GPR137: variants seen among roughly 807,000 people sequenced by gnomAD.
GPR137 encodes the protein G protein-coupled receptor 137.
Under a neutral mutation model 38.9 loss-of-function variants are expected in GPR137, and 20 were observed. The ratio of observed to expected loss-of-function variants is 0.51; its 90% CI spans 0.36 to 0.75. The LOEUF is 0.75. Ranked by LOEUF, GPR137 falls within the 30% of genes least tolerant of loss-of-function variation. The probability of loss-of-function intolerance (pLI) is 0.00; values close to 1 mark genes in which losing one functional copy is unlikely to be tolerated. For synonymous variants in GPR137, 226 were observed against 235.8 expected (o/e 0.96, Z 0.38); for missense variants, 456 against 526.4 (o/e 0.87, Z 1.31).
upstream of GPR137, among the ~76,000 whole-genome samples, chr11:64,283,075 A>T (rs1267831083): frequency 6.6e-6 from 1 of 152,040 alleles, no homozygotes; most frequent in Non-Finnish European, 1.5e-5. Context: ...AAACAAACAG[A>T]AAAAAAGAAA....
rs1479646573 is a variant in GPR137, at chr11:64,285,980, G to T, written c.-545G>T. 7.1e-6 allele frequency: 7 copies of T among 981,288 alleles called. No homozygotes were observed. In the African/African-American group the frequency reaches 1.2e-4, roughly 17 times the overall value. 60.8% of individuals were successfully genotyped at this position (981,288 alleles called of 1,614,324 possible). A position where few individuals can be genotyped will look rare whatever the true frequency, so the allele number is the denominator to read the frequency against. On this transcript the variant is annotated 5_prime_UTR_variant, in exon 1 of 7. Transcript: ENST00000438980. ...CTGGAGCGTGGACGCGGTGGGGGAG[G>T]GTGGGGCGGGGGCAGCTTTCGAGAA... is the stretch of plus-strand genomic sequence containing the variant.
At chr11:64,287,664 C>T in intron 2 of GPR137, 57 bp from the exon 3 acceptor site, 1 of 1,590,782 alleles carries the variant, frequency 6.3e-7, no homozygotes, top group Non-Finnish European at 8.5e-7. Context: ...GGAGGTGGGG[C>T]AGGTGGTGAG....
rs770270522 is a variant in GPR137 at position 64,287,807 on chromosome 11, G to C, written c.494G>C (p.Arg165Pro). 6.2e-7 allele frequency: 1 copy of C among 1,607,018 alleles called. No homozygotes were observed. Among genetic ancestry groups the C allele is most frequent in the African/African-American group, 1.3e-5 (1 of 74,902 alleles). Residue 165 changes from arginine to proline, a missense_variant, in exon 3 of 7, where the codon CGG becomes CCG. Coordinates refer to ENST00000438980, the MANE Select transcript of GPR137 (RefSeq NM_001170880.2). ...TGTGCTGTGCTCTCCCATCGGCGCC[G>C]GGCACAGCCCTGGGCCCTGCTGCTT... ...VLCAVLSHRR[R>P]AQPWALLLVR... is the part of the protein sequence containing the mutation.
rs914576207 is a variant in GPR137, at chr11:64,277,132, A to G, written c.-16+711A>G. The G allele has an allele frequency of 6.3e-6, 4 of 631,396 alleles. No homozygotes were observed. In the African/African-American group the frequency reaches 7.3e-5, roughly 11 times the overall value. The allele number at this position is 631,396 out of a possible 1,614,324, so 39.1% of individuals were successfully genotyped here. A position where few individuals can be genotyped will look rare whatever the true frequency, so the allele number is the denominator to read the frequency against. ...CACTTAATTAAAACAGTGGTGTTCC[A>G]GACCGTTTGGAGCAGTGAAGCTCTG... On this transcript the variant is annotated intron_variant, in intron 2 of 2. Transcript: ENST00000538244.
At chr11:64,284,829 C>T, upstream of GPR137, 2 of 1,521,320 alleles carry the variant, frequency 1.3e-6, no homozygotes, top group South Asian at 1.2e-5. Context: ...GGCTCCTCGT[C>T]CGCATCCTTT....
At position 64,286,662 on chromosome 11, in the gene GPR137, G is replaced by A; in HGVS notation, c.138G>A (p.Trp46Ter). ...LLFFSVYAQL[W>*]LVLLYGHKRL... is the part of the protein sequence containing the mutation. ...TCTTCTCCGTCTATGCCCAGCTCTG[G>A]CTGGTGCTTCTGTATGGGCACAAGC... Residue 46 changes from tryptophan to a stop codon, truncating the protein, a stop_gained, in exon 1 of 7, where the codon TGG becomes TGA. Coordinates refer to ENST00000438980, the MANE Select transcript of GPR137 (RefSeq NM_001170880.2). LOFTEE classifies it high-confidence loss of function. 6.2e-7 allele frequency: 1 copy of A among 1,614,024 alleles called. No individual in the cohort carries two copies. The highest frequency in any genetic ancestry group is 8.5e-7 in the Non-Finnish European group (1 of 1,179,962).
At chr11:64,271,606 C>A, upstream of GPR137, 1 of 1,435,678 alleles carries the variant, frequency 7.0e-7, no homozygotes, top group South Asian at 1.4e-5. Context: ...TGGGGACTGG[C>A]GCTCACCTTA....
upstream of GPR137, chr11:64,284,173 G>C: frequency 6.4e-7 from 1 of 1,572,862 alleles, no homozygotes; most frequent in Non-Finnish European, 8.6e-7. Context: ...GAGGTGGTGG[G>C]GTACTTACCT....
At chr11:64,278,436 T>C in intron 2 of GPR137, among the ~76,000 whole-genome samples, 1 of 150,962 alleles carries the variant, frequency 6.6e-6, no homozygotes, top group Non-Finnish European at 1.5e-5. Flanking sequence ...GCAGTTCTAA[T>C]AATAAGAGCC....
chr11:64,274,344 G>A (rs1381900340), upstream of GPR137, among the ~76,000 whole-genome samples: 8 of 150,250 alleles, frequency 5.3e-5, no homozygotes, highest in Admixed American at 2.0e-4. Context: ...CTGAGATCAC[G>A]CCACTGCACT....
chr11:64,271,782 C>G, upstream of GPR137: 1 of 1,356,250 alleles, frequency 7.4e-7, no homozygotes, highest in South Asian at 2.0e-5. Flanking sequence ...GTGGCGACTC[C>G]GGATCTCCAC....
chr11:64,280,953 C>T (rs1049536150), upstream of GPR137, among the ~76,000 whole-genome samples: 25 of 150,202 alleles, frequency 1.7e-4, no homozygotes, highest in African/African-American at 5.9e-4. Context: ...CAGGTGTGAG[C>T]CACCACGCCC....
At chr11:64,280,189 G>A (rs952613394), upstream of GPR137, among the ~76,000 whole-genome samples, 4 of 150,756 alleles carry the variant, frequency 2.7e-5, no homozygotes, top group Admixed American at 6.6e-5. Context: ...GCATGGTGGC[G>A]GGAGGCTGTA....
At chr11:64,284,121 G>A (rs1251551791), upstream of GPR137, 7 of 1,503,830 alleles carry the variant, frequency 4.7e-6, no homozygotes, top group African/African-American at 7.0e-5. Flanking sequence ...CAACTGGGAT[G>A]CAGGGAGCCA....
At chr11:64,273,601 C>T (rs1323110580), upstream of GPR137, among the ~76,000 whole-genome samples, 2 of 151,838 alleles carry the variant, frequency 1.3e-5, no homozygotes, top group Non-Finnish European at 2.9e-5. Flanking sequence ...AGGTGGGGGG[C>T]TGGGCGCAGT....
rs756189816 is a variant in GPR137 at position 64,287,953 on chromosome 11, C to T, written c.633+7C>T. Reference sequence around the variant, plus strand: ...CATCTACCTGGAGGCCAAGGTAGGGCTGCAGCACTGATGCCCAGGTGTCTT... The same window carrying T: ...CATCTACCTGGAGGCCAAGGTAGGGTTGCAGCACTGATGCCCAGGTGTCTT... On this transcript the variant is annotated splice_region_variant and intron_variant, in intron 3 of 6. Transcript: ENST00000438980. The T allele has an allele frequency of 8.7e-6, 14 of 1,601,120 alleles. No individual in the cohort carries two copies. In the Middle Eastern group the frequency reaches 4.9e-4, roughly 56 times the overall value.
rs545099579 is a variant in GPR137 at position 64,276,846 on chromosome 11, G to A, written c.-16+425G>A. The stretch of plus-strand genomic sequence containing the variant: ...CGCCTAGAGCCTGGCCCGGAGCTGG[G>A]TGTGGAAGTGGAGGGTAGTGGCTGT... On this transcript the variant is annotated intron_variant, in intron 2 of 2. Coordinates refer to the GPR137 transcript ENST00000538244. 1.5e-5 allele frequency: 11 copies of A among 730,358 alleles called. No homozygotes were observed. In the Admixed American group the frequency reaches 1.9e-4, roughly 13 times the overall value. 45.2% of individuals were successfully genotyped at this position (730,358 alleles called of 1,614,324 possible).
In GPR137 at chr11:64,288,865, C is replaced by T; in HGVS notation, c.1031+144C>T. On this transcript the variant is annotated intron_variant, in intron 6 of 6. Transcript: ENST00000438980. This position sits in a 1 kb window ranked among gnomAD's most constrained non-coding sequence, Gnocchi z 5.5. ...CTTCCCCATCTGTACTAGGTGAGGT[C>T]CCCTGGGTTCCTATTGCTAAAGCCT... The T allele has an allele frequency of 3.5e-6, 5 of 1,440,742 alleles. No homozygotes were observed. The highest frequency in any genetic ancestry group is 3.0e-5 in the South Asian group (2 of 67,390). 89.2% of individuals were successfully genotyped at this position (1,440,742 alleles called of 1,614,324 possible).
chr11:64,280,093 G>T (rs889378820), upstream of GPR137, among the ~76,000 whole-genome samples: 1 of 151,610 alleles, frequency 6.6e-6, no homozygotes, highest in Non-Finnish European at 1.5e-5. Flanking sequence ...CAAGGCGGGC[G>T]GATCACAAGG....
Sources: allele counts gnomAD v4.1 joint callset (sites outside exome capture counted in the v4.1 genomes callset), GRCh38; gene constraint gnomAD v4.1.1; non-coding constraint Gnocchi (gnomAD v3.1); transcripts MANE v1.5; gene names NCBI Gene and HGNC (gene_info 2026-07-23, HGNC 2026-07-21).